Variants in C1QTNF8 observed in about 807,000 individuals in gnomAD.
C1QTNF8 encodes C1q and TNF related 8.
In C1QTNF8, 27 loss-of-function variants were observed where a neutral mutation model predicts 19.2. That is an observed-to-expected ratio of 1.41 (90% CI 1.04 to 1.94). The LOEUF is 1.94. Ranked by LOEUF, C1QTNF8 falls within the 30% of genes most tolerant of loss-of-function variation. The pLI is 0.00. For synonymous variants in C1QTNF8, 208 were observed against 172.8 expected (o/e 1.20, Z -1.60); for missense variants, 484 against 374.4 (o/e 1.29, Z -2.42).
rs780954207 is a variant in C1QTNF8, at chr16:1,089,579, G to A, written c.*1020C>T. ...GACACGGGCTCTGTGTGGGGTGGGCGGGACGTGGCTGCAGCCTGGCTCTGC... is the reference window on the plus strand; with the variant it reads ...GACACGGGCTCTGTGTGGGGTGGGCAGGACGTGGCTGCAGCCTGGCTCTGC... On this transcript the variant is annotated 3_prime_UTR_variant, in exon 5 of 5. Coordinates refer to ENST00000328449, the MANE Select transcript of C1QTNF8 (RefSeq NM_207419.3). Among the ~76,000 whole-genome samples the A allele has an allele frequency of 7.9e-5, 12 of 152,342 alleles. No individual in the cohort carries two copies. Among genetic ancestry groups the A allele is most frequent in the South Asian group, 2.1e-4 (1 of 4,828 alleles).
rs777177347 is a variant in C1QTNF8 at position 1,094,802 on chromosome 16, G to C, written c.121C>G (p.Arg41Gly). Reference protein sequence around the residue: ...RPAWPPGPYARVSDRDLWRGD... With the variant: ...RPAWPPGPYAGVSDRDLWRGD... ...CTCCACAGGTCCCTGTCACTCACCC[G>C]GGCATAGGGTCCAGGGGGCCAGGCC... The change falls in exon 3 of 5, where the codon CGG (arginine) becomes GGG (glycine). Residue 41 changes from arginine (R) to glycine (G), a missense_variant. Transcript: ENST00000328449. 1 of 1,527,420 alleles carries C rather than the reference G, an allele frequency of 6.5e-7. No homozygotes were observed. Among genetic ancestry groups the C allele is most frequent in the Admixed American group, 2.0e-5 (1 of 49,978 alleles). 94.6% of individuals were successfully genotyped at this position (1,527,420 alleles called of 1,614,324 possible).
intron 2 of C1QTNF8, among the ~76,000 whole-genome samples, chr16:1,095,337 C>T (rs1054382216): frequency 1.3e-5 from 2 of 152,310 alleles, no homozygotes; most frequent in Admixed American, 6.5e-5. Flanking sequence ...CAGGGAAAGG[C>T]CCCCCAAGGC....
intron 4 of C1QTNF8, among the ~76,000 whole-genome samples, chr16:1,093,139 A>C (rs866493622): frequency 0.025 from 2,487 of 98,154 alleles, 1 homozygote; most frequent in African/African-American, 0.099. Context: ...GGTGCTCAAC[A>C]AATCACAGCA....
intron 3 of C1QTNF8, 75 bp downstream of exon 3, chr16:1,094,640 C>T: frequency 1.5e-6 from 2 of 1,306,462 alleles, no homozygotes; most frequent in South Asian, 1.4e-5. Flanking sequence ...CCTCCCAAGC[C>T]CCAGGTGCTC....
At chr16:1,091,763 C>T (rs1379686342) in intron 4 of C1QTNF8, among the ~76,000 whole-genome samples, 1 of 151,696 alleles carries the variant, frequency 6.6e-6, no homozygotes, top group African/African-American at 2.4e-5. Context: ...GACTGAGGAC[C>T]CATGAGCCCC....
chr16:1,095,257 G>A (rs1960659924), intron 2 of C1QTNF8, among the ~76,000 whole-genome samples: 1 of 152,238 alleles, frequency 6.6e-6, no homozygotes, highest in African/African-American at 2.4e-5. Context: ...AAACTCAGGA[G>A]CGGGTAGCCG....
Position 1,093,840 on chromosome 16 carries a change from C to T in C1QTNF8, c.420G>A (p.Thr140=), listed in dbSNP as rs1170620177. Residue 140 remains threonine (T), a synonymous_variant, in exon 4 of 5, where the codon ACG becomes ACA. Coordinates refer to ENST00000328449, the MANE Select transcript of C1QTNF8 (RefSeq NM_207419.3). ...AGGCGCCGTCCAGGTTCACCAGCTC[C>T]GTGTCGAAGGGCACCGCCTGGAAGT... is the stretch of plus-strand genomic sequence containing the variant. ...SDHFQAVPFD[T]ELVNLDGAFD... is the part of the protein sequence containing the mutation. 6 of 1,607,120 alleles carry T rather than the reference C, an allele frequency of 3.7e-6. No homozygotes were observed. The highest frequency in any genetic ancestry group is 2.2e-5 in the East Asian group (1 of 44,822).
At chr16:1,091,894 C>T (rs555182002) in intron 4 of C1QTNF8, among the ~76,000 whole-genome samples, 178 of 152,170 alleles carry the variant, frequency 1.2e-3, no homozygotes, top group Non-Finnish European at 2.0e-3. Context: ...TGGAAGTGAC[C>T]GTCTTCCTTC....
chr16:1,092,691 C>G (rs1555492582), intron 4 of C1QTNF8, among the ~76,000 whole-genome samples: 1 of 118,668 alleles, frequency 8.4e-6, no homozygotes, highest in Admixed American at 8.6e-5. Flanking sequence ...GGCGCTCAAC[C>G]AATCCCTGCA....
At position 1,093,836 on chromosome 16, in the gene C1QTNF8, G is replaced by A. The variant is rs1416488160; in HGVS notation, c.424C>T (p.Leu142=). 4 of 1,607,528 alleles carry A rather than the reference G, an allele frequency of 2.5e-6. No homozygotes were observed. The highest frequency in any genetic ancestry group is 1.3e-5 in the African/African-American group (1 of 74,904). The change falls in exon 4 of 5, where the codon CTG becomes TTG. Residue 142 remains leucine (L), a synonymous_variant. Coordinates refer to ENST00000328449, the MANE Select transcript of C1QTNF8 (RefSeq NM_207419.3). ...TCGAAGGCGCCGTCCAGGTTCACCAGCTCCGTGTCGAAGGGCACCGCCTGG... is the reference window on the plus strand; with the variant it reads ...TCGAAGGCGCCGTCCAGGTTCACCAACTCCGTGTCGAAGGGCACCGCCTGG... The part of the protein sequence containing the change: ...HFQAVPFDTE[L]VNLDGAFDLA...
At chr16:1,093,262 C>A (rs1258156360) in intron 4 of C1QTNF8, among the ~76,000 whole-genome samples, 1 of 132,740 alleles carries the variant, frequency 7.5e-6, no homozygotes, top group African/African-American at 3.7e-5. Flanking sequence ...AATCCCTGCA[C>A]ACAGTCGGCG....
At position 1,093,400 on chromosome 16, in the gene C1QTNF8, CCACACA is replaced by C. The variant is rs1416044863; in HGVS notation, c.*4+91_*4+96del. ...CCCACCCCACCACACCCACACCCAC[CCACACA>C]CACACACCCACACCCACCCCCACAC... On this transcript the variant is annotated intron_variant, in intron 4 of 4. Transcript: ENST00000328449. 5 of 604,294 alleles carry C rather than the reference CCACACA, an allele frequency of 8.3e-6. No homozygotes were observed. The East Asian group carries it at 1.5e-4, about 18-fold the overall frequency. 37.4% of individuals were successfully genotyped at this position (604,294 alleles called of 1,614,324 possible). A position where few individuals can be genotyped will look rare whatever the true frequency, so the allele number is the denominator to read the frequency against.
chr16:1,094,671 G>A, intron 3 of C1QTNF8, 44 bp downstream of exon 3: 2 of 1,538,864 alleles, frequency 1.3e-6, no homozygotes, highest in Non-Finnish European at 1.8e-6. Context: ...GTGGGCTGTT[G>A]GGTCCTGGTG....
chr16:1,094,093 G>A (rs1457127175), intron 3 of C1QTNF8, 42 bp from the exon 4 acceptor site: 25 of 1,377,878 alleles, frequency 1.8e-5, no homozygotes, highest in Non-Finnish European at 2.3e-5. Flanking sequence ...GGCCGGGCTG[G>A]GCAGGCCTCC....
rs997569956 is a variant in C1QTNF8, at chr16:1,090,303, G to C, written c.*296C>G. ...GGCTTGGGCAGTGGGTGGGGGTGGC[G>C]CAGCCGGGACAGAGCCCCTCTCCCT... On this transcript the variant is annotated 3_prime_UTR_variant, in exon 5 of 5. Transcript: ENST00000328449. 6.6e-6 allele frequency: 1 copy of C among 152,474 alleles called. No individual in the cohort carries two copies. The highest frequency in any genetic ancestry group is 1.9e-4 in the East Asian group (1 of 5,188). 9.4% of individuals were successfully genotyped at this position (152,474 alleles called of 1,614,324 possible).
chr16:1,093,374 G>GGCCCCCCCCC, intron 4 of C1QTNF8, 123 bp downstream of exon 4: 1 of 180,216 alleles, frequency 5.5e-6, no homozygotes, highest in East Asian at 1.5e-4. Context: ...TCCGCTGCCC[G>GGCCCCCCCCC]CCCACCCCAC....
Position 1,094,765 on chromosome 16 carries a change from C to A in C1QTNF8, c.158G>T (p.Trp53Leu). Residue 53 changes from tryptophan to leucine, a missense_variant, in exon 3 of 5, where the codon TGG becomes TTG. Trp to Leu is a moderately conservative substitution (Grantham distance 61). Coordinates refer to ENST00000328449, the MANE Select transcript of C1QTNF8 (RefSeq NM_207419.3). The stretch of plus-strand genomic sequence containing the variant: ...GGGCCGTACTCGAGGCAGCCCCCTC[C>A]ACAGGTCCCCCCTCCACAGGTCCCT... ...SDRDLWRGDL[W>L]RGLPRVRPTI... 6.4e-7 allele frequency: 1 copy of A among 1,552,760 alleles called. No homozygotes were observed. The highest frequency in any genetic ancestry group is 8.7e-7 in the Non-Finnish European group (1 of 1,152,102).
rs1960511325 is a variant in C1QTNF8 at position 1,089,998 on chromosome 16, C to T, written c.*601G>A. ...AAAGTGCAGCCTGAGGCCCCGCCCA[C>T]CTCAGTGTGGGGCGAAGGAGAGGGA... On this transcript the variant is annotated 3_prime_UTR_variant, in exon 5 of 5. Coordinates refer to ENST00000328449, the MANE Select transcript of C1QTNF8 (RefSeq NM_207419.3). The T allele has an allele frequency of 6.6e-6, 1 of 152,422 alleles. No individual in the cohort carries two copies. 9.4% of individuals were successfully genotyped at this position (152,422 alleles called of 1,614,324 possible). A position where few individuals can be genotyped will look rare whatever the true frequency, so the allele number is the denominator to read the frequency against.
In C1QTNF8 at chr16:1,088,405, CG is replaced by C. The variant is rs1015279733; in HGVS notation, c.*2193del. Among the ~76,000 whole-genome samples the C allele has an allele frequency of 1.3e-5, 2 of 152,162 alleles. No individual in the cohort carries two copies. Among genetic ancestry groups the C allele is most frequent in the African/African-American group, 4.8e-5 (2 of 41,436 alleles). ...GATTAAAGCCAGCACGGGCCGACCA[CG>C]GGGGTGCCCGGTGCGGTTCTGATGG... is the stretch of plus-strand genomic sequence containing the variant. On this transcript the variant is annotated 3_prime_UTR_variant, in exon 5 of 5. Coordinates refer to ENST00000328449, the MANE Select transcript of C1QTNF8 (RefSeq NM_207419.3).
Sources: gnomAD v4.1 joint callset for allele counts (sites outside exome capture counted in the v4.1 genomes callset) on GRCh38, gnomAD v4.1.1 for gene constraint, MANE v1.5 for transcripts, NCBI Gene and HGNC (gene_info 2026-07-23, HGNC 2026-07-21) for gene names.